RANBP3: variants seen among roughly 807,000 people sequenced by gnomAD.
The protein encoded by RANBP3 is RAN binding protein 3, also known as ran-binding protein 3.
Under a neutral mutation model 77.3 loss-of-function variants are expected in RANBP3, and 14 were observed. That is an observed-to-expected ratio of 0.18 (90% CI 0.12 to 0.28). RANBP3 has a LOEUF of 0.28. RANBP3 is among the 10% of genes least tolerant of loss of function. The probability of loss-of-function intolerance (pLI) is 1.00; values close to 1 mark genes in which losing one functional copy is unlikely to be tolerated. For synonymous variants in RANBP3, 315 were observed against 312.4 expected (o/e 1.01, Z -0.09); for missense variants, 586 against 752.3 (o/e 0.78, Z 2.59).
At chr19:5,976,007 G>A (rs866304164) in intron 1 of RANBP3, among the ~76,000 whole-genome samples, 27 of 152,226 alleles carry the variant, frequency 1.8e-4, no homozygotes, top group African/African-American at 6.5e-4. Flanking sequence ...AAGGGTGGAG[G>A]GAACGGGGGC....
At chr19:5,934,948 T>G (rs1226941273) in intron 5 of RANBP3, among the ~76,000 whole-genome samples, 1 of 152,190 alleles carries the variant, frequency 6.6e-6, no homozygotes, top group Non-Finnish European at 1.5e-5. Context: ...AGAAAGGAGC[T>G]GAGCGGTTAC....
chr19:5,937,470 C>A (rs1169048068), intron 5 of RANBP3, among the ~76,000 whole-genome samples: 1 of 152,324 alleles, frequency 6.6e-6, no homozygotes, highest in South Asian at 2.1e-4. Flanking sequence ...GCCTGAAGAC[C>A]TGTTCCCGAT....
chr19:5,969,887 C>CT (rs753731189), intron 1 of RANBP3, among the ~76,000 whole-genome samples: 1 of 152,260 alleles, frequency 6.6e-6, no homozygotes, highest in Non-Finnish European at 1.5e-5. Context: ...GAGGCCTACT[C>CT]AGCTGCCAAA....
Position 5,958,736 on chromosome 19 carries a change from C to T in RANBP3, c.23-763G>A, listed in dbSNP as rs1305570634. On this transcript the variant is annotated intron_variant, in intron 1 of 16. Transcript: ENST00000340578. The surrounding 1 kb of genome is among the most constrained non-coding windows in gnomAD (Gnocchi z 4.4). ...ACAGATGAGGACTGCCTCGACCCCA[C>T]GAGGAGGCGCAGACCACACCTGCCT... Among the ~76,000 whole-genome samples, 5 of 152,272 alleles carry T rather than the reference C, an allele frequency of 3.3e-5. No homozygotes were observed. The highest frequency in any genetic ancestry group is 2.1e-4 in the South Asian group (1 of 4,836).
At chr19:5,929,391 C>T (rs569077636) in intron 8 of RANBP3, among the ~76,000 whole-genome samples, 20 of 152,378 alleles carry the variant, frequency 1.3e-4, no homozygotes, top group African/African-American at 4.6e-4. Context: ...GCGCTGTGTG[C>T]CCCCTGCTCA....
intron 8 of RANBP3, among the ~76,000 whole-genome samples, chr19:5,928,860 A>G (rs190402750): frequency 1.9e-3 from 292 of 152,364 alleles, no homozygotes; most frequent in African/African-American, 6.5e-3. Flanking sequence ...TGTCTTTCCT[A>G]TACCACATGA....
chr19:5,924,990 G>T lies in RANBP3; in HGVS notation c.918-85C>A. On this transcript the variant is annotated intron_variant, in intron 10 of 16. Transcript: ENST00000340578. The surrounding 1 kb of genome is among the most constrained non-coding windows in gnomAD (Gnocchi z 4.7). ...TATGGGTACCCATGGAGCACACACT[G>T]ACACAGAGGGCACAGTGGAGGGGCC... The T allele has an allele frequency of 2.4e-6, 3 of 1,255,414 alleles. No individual in the cohort carries two copies. Among genetic ancestry groups the T allele is most frequent in the South Asian group, 2.4e-5 (2 of 83,616 alleles). 77.8% of individuals were successfully genotyped at this position (1,255,414 alleles called of 1,614,324 possible). A position where few individuals can be genotyped will look rare whatever the true frequency, so the allele number is the denominator to read the frequency against.
At chr19:5,964,027 C>T (rs1339924543) in intron 1 of RANBP3, among the ~76,000 whole-genome samples, 1 of 152,188 alleles carries the variant, frequency 6.6e-6, no homozygotes, top group African/African-American at 2.4e-5. Flanking sequence ...ATGGCCTGGC[C>T]AGAAACTGAA....
chr19:5,968,372 T>A (rs1187572731), intron 1 of RANBP3, among the ~76,000 whole-genome samples: 5 of 152,204 alleles, frequency 3.3e-5, no homozygotes, highest in African/African-American at 1.2e-4. Flanking sequence ...TGGCACAATG[T>A]CTTCATTTGC....
chr19:5,951,596 A>T lies in RANBP3; in HGVS notation c.79T>A (p.Ser27Thr). The stretch of plus-strand genomic sequence containing the variant: ...GACAAGTTTTTTTGCTCTGCAGGGG[A>T]CTGGGAGCAAAAAAGACAATTTTCC... ...FVFQKDKGQK[S>T]PAEQKNLSDS... Residue 27 changes from serine to threonine, a missense_variant and splice_region_variant, in exon 3 of 17, where the codon TCC (serine) becomes ACC (threonine). By Grantham distance (58) the Ser-to-Thr change is moderately conservative. This residue lies in a region of RANBP3 where 172 missense variants were observed against 183.4 expected (regional missense o/e 0.94). Transcript: ENST00000340578. The T allele has an allele frequency of 2.5e-6, 4 of 1,612,490 alleles. No homozygotes were observed. The highest frequency in any genetic ancestry group is 3.4e-6 in the Non-Finnish European group (4 of 1,179,328).
At chr19:5,947,259 A>G (rs2145166253) in intron 3 of RANBP3, among the ~76,000 whole-genome samples, 1 of 151,082 alleles carries the variant, frequency 6.6e-6, no homozygotes, top group South Asian at 2.1e-4. Flanking sequence ...GCTTGCAGTG[A>G]GCCCAGATGG....
intron 5 of RANBP3, among the ~76,000 whole-genome samples, chr19:5,940,341 G>C (rs973740337): frequency 1.3e-5 from 2 of 152,192 alleles, no homozygotes; most frequent in African/African-American, 4.8e-5. Context: ...CGAGCAGGAA[G>C]TGGAGCTCCC....
At chr19:5,976,992 GTATC>G (rs1255163004) in intron 1 of RANBP3, among the ~76,000 whole-genome samples, 1 of 152,202 alleles carries the variant, frequency 6.6e-6, no homozygotes, top group Non-Finnish European at 1.5e-5. Context: ...GGGGCTAACA[GTATC>G]TATACCTCCT....
chr19:5,925,122 C>A, intron 10 of RANBP3: 2 of 572,292 alleles, frequency 3.5e-6, no homozygotes, highest in Non-Finnish European at 3.1e-6. Flanking sequence ...GGCCCCACAG[C>A]ATGAGGGAAG....
chr19:5,967,234 C>T (rs568598403), intron 1 of RANBP3, among the ~76,000 whole-genome samples: 11 of 152,282 alleles, frequency 7.2e-5, no homozygotes, highest in Non-Finnish European at 1.0e-4. Flanking sequence ...TCTCAATACT[C>T]GAATATATTT....
rs374193509 is a variant in RANBP3, at chr19:5,958,520, T to A, written c.23-547A>T. ...GAGTTGCTAGAGGCCTGAGAGTCCATCTTGCACAGCGGCTGAAGGAAGAAA... is the reference window on the plus strand; with the variant it reads ...GAGTTGCTAGAGGCCTGAGAGTCCAACTTGCACAGCGGCTGAAGGAAGAAA... On this transcript the variant is annotated intron_variant, in intron 1 of 16. Transcript: ENST00000340578. This position sits in a 1 kb window ranked among gnomAD's most constrained non-coding sequence, Gnocchi z 4.4. Among the ~76,000 whole-genome samples, 6 of 152,336 alleles carry A rather than the reference T, an allele frequency of 3.9e-5. No homozygotes were observed. Among genetic ancestry groups the A allele is most frequent in the East Asian group, 1.9e-4 (1 of 5,182 alleles).
intron 3 of RANBP3, 108 bp from the exon 4 acceptor site, chr19:5,941,943 TC>T: frequency 7.8e-7 from 1 of 1,290,282 alleles, no homozygotes; most frequent in Non-Finnish European, 1.1e-6. Context: ...GGCAGCTAGT[TC>T]CCAGAGCCCA....
At chr19:5,923,693 G>C in intron 12 of RANBP3, 119 bp downstream of exon 12, 1 of 734,312 alleles carries the variant, frequency 1.4e-6, no homozygotes, top group Non-Finnish European at 2.3e-6. Flanking sequence ...GTTCACATGT[G>C]GTTGTTACTG....
At position 5,936,818 on chromosome 19, in the gene RANBP3, C is replaced by A. The variant is rs142078024; in HGVS notation, c.407-3339G>T. Among the ~76,000 whole-genome samples, 435 of 152,174 alleles carry A rather than the reference C, an allele frequency of 2.9e-3. 3 individuals are homozygous for A. Among genetic ancestry groups the A allele is most frequent in the Non-Finnish European group, 4.7e-3 (320 of 68,002 alleles). On this transcript the variant is annotated intron_variant, in intron 5 of 16. Transcript: ENST00000340578. ...AGAAGCTCGCCTGTCTATGTTGACA[C>A]AATCGATCAAGGAACAAGCACGTGG...
Sources: gnomAD v4.1 joint callset for allele counts (sites outside exome capture counted in the v4.1 genomes callset) on GRCh38, gnomAD v4.1.1 for gene constraint, gnomAD v4.1.1 regional missense constraint, Gnocchi (gnomAD v3.1) non-coding constraint, MANE v1.5 for transcripts, NCBI Gene and HGNC (gene_info 2026-07-23, HGNC 2026-07-21) for gene names.